Variants in RNMT observed in about 807,000 individuals in gnomAD.
RNMT encodes RNA guanine-7 methyltransferase.
Under a neutral mutation model 56.0 loss-of-function variants are expected in RNMT, and 27 were observed. The ratio of observed to expected loss-of-function variants is 0.48; its 90% confidence interval spans 0.36 to 0.67. RNMT has a LOEUF of 0.67. Among genes scored for constraint, RNMT ranks in the 30% least tolerant of loss-of-function variants. The pLI, the probability that RNMT is intolerant of heterozygous loss-of-function variation, is 0.00. For missense variants in RNMT, 519 were observed against 552.1 expected (o/e 0.94, Z 0.60); for synonymous variants, 184 against 176.2 (o/e 1.04, Z -0.35).
intron 5 of RNMT, 143 bp from the exon 6 acceptor site, chr18:13,740,023 GC>G (rs2044226692): frequency 1.6e-6 from 1 of 627,604 alleles, no homozygotes; most frequent in Non-Finnish European, 2.8e-6. Context: ...TCGGAACAAA[GC>G]CCTTTTCTTT....
At chr18:13,757,905 C>G (rs983784565) in intron 11 of RNMT, among the ~76,000 whole-genome samples, 2 of 152,104 alleles carry the variant, frequency 1.3e-5, no homozygotes, top group Non-Finnish European at 2.9e-5. Flanking sequence ...GAAAAGTACC[C>G]CTTGATCAAT....
chr18:13,743,329 AAAATAAATAAATAAAT>A (rs149097059), intron 8 of RNMT, among the ~76,000 whole-genome samples: 2 of 31,830 alleles, frequency 6.3e-5, no homozygotes, highest in Non-Finnish European at 1.4e-4. Context: ...TCTCAAAAAA[AAAATAAATAAATAAAT>A]AAATAAATAA....
chr18:13,728,620 G>A (rs969375759), intron 1 of RNMT, among the ~76,000 whole-genome samples: 2 of 151,942 alleles, frequency 1.3e-5, no homozygotes, highest in Non-Finnish European at 1.5e-5. Flanking sequence ...ACAGGTGTGA[G>A]CCACCGTGAC....
At chr18:13,745,528 T>A (rs1160819361) in intron 8 of RNMT, among the ~76,000 whole-genome samples, 1 of 152,208 alleles carries the variant, frequency 6.6e-6, no homozygotes, top group East Asian at 1.9e-4. Context: ...GTGGATTTAC[T>A]GAAATGGCAA....
chr18:13,738,426 AAAAT>A (rs1283656892), intron 5 of RNMT, among the ~76,000 whole-genome samples: 1 of 152,242 alleles, frequency 6.6e-6, no homozygotes, highest in Admixed American at 6.5e-5. Context: ...AAGTAGTTGT[AAAAT>A]AAAGAAGTAT....
intron 11 of RNMT, among the ~76,000 whole-genome samples, chr18:13,756,407 A>G (rs2044543462): frequency 6.6e-6 from 1 of 152,124 alleles, no homozygotes. Context: ...GGTTGTTTGC[A>G]ATTGCTATGG....
intron 8 of RNMT, 80 bp downstream of exon 8, chr18:13,742,732 C>G (rs937985292): frequency 1.0e-5 from 11 of 1,077,956 alleles, no homozygotes; most frequent in Non-Finnish European, 1.3e-5. Context: ...ATTTATTTTA[C>G]TCTTTATTTT....
At chr18:13,759,294 G>T (rs1435129577) in intron 11 of RNMT, among the ~76,000 whole-genome samples, 1 of 152,138 alleles carries the variant, frequency 6.6e-6, no homozygotes, top group Non-Finnish European at 1.5e-5. Context: ...GCCTTTAATA[G>T]GTTTCAACTT....
chr18:13,749,889 A>G (rs968568290), intron 9 of RNMT, among the ~76,000 whole-genome samples: 1 of 143,638 alleles, frequency 7.0e-6, no homozygotes, highest in South Asian at 2.3e-4. Context: ...CCTTCTGAGT[A>G]GCTGGGACTA....
chr18:13,752,875 A>C (rs565581209), intron 10 of RNMT, among the ~76,000 whole-genome samples: 1 of 152,378 alleles, frequency 6.6e-6, no homozygotes, highest in Admixed American at 6.5e-5. Context: ...AGTAGAAGTT[A>C]CAGATATTTT....
chr18:13,729,807 C>CT (rs538232476), intron 1 of RNMT, among the ~76,000 whole-genome samples: 75 of 144,426 alleles, frequency 5.2e-4, no homozygotes, highest in African/African-American at 6.1e-4. Flanking sequence ...CATGAAAAAG[C>CT]TTTTTTTTTT....
chr18:13,729,294 C>A (rs2149079695), intron 1 of RNMT, among the ~76,000 whole-genome samples: 1 of 152,246 alleles, frequency 6.6e-6, no homozygotes, highest in Middle Eastern at 3.4e-3. Flanking sequence ...TTTTTGTGGT[C>A]ATCTGGAATG....
intron 11 of RNMT, among the ~76,000 whole-genome samples, chr18:13,756,642 C>A (rs779543823): frequency 7.9e-5 from 12 of 152,216 alleles, no homozygotes; most frequent in Non-Finnish European, 1.8e-4. Context: ...AGCCACATTT[C>A]ATTTCAACTA....
chr18:13,747,462 C>T (rs963038287), intron 9 of RNMT, among the ~76,000 whole-genome samples: 1 of 152,184 alleles, frequency 6.6e-6, no homozygotes, highest in Non-Finnish European at 1.5e-5. Flanking sequence ...TCAAGCAATC[C>T]TCCCGCCTTG....
In RNMT at chr18:13,734,604, GATCCA is replaced by G. The variant is rs1375906682; in HGVS notation, c.553+7_553+11del. 9 of 1,600,000 alleles carry G rather than the reference GATCCA, an allele frequency of 5.6e-6. No homozygotes were observed. Among genetic ancestry groups the G allele is most frequent in the Non-Finnish European group, 7.7e-6 (9 of 1,174,214 alleles). On this transcript the variant is annotated splice_donor_region_variant and intron_variant, in intron 4 of 11. Coordinates refer to ENST00000383314, the MANE Select transcript of RNMT (RefSeq NM_003799.3). ...GGATGAAAAGTGTTCTCATTGGTATGATCCAACACCAAGCTACTGAGTCTTTAATT... is the reference window on the plus strand; with the variant it reads ...GGATGAAAAGTGTTCTCATTGGTATGACACCAAGCTACTGAGTCTTTAATT...
Position 13,761,336 on chromosome 18 carries a change from A to G in RNMT, c.*1357A>G. 1.0e-6 allele frequency: 1 copy of G among 985,450 alleles called. No homozygotes were observed. Among genetic ancestry groups the G allele is most frequent in the Non-Finnish European group, 1.2e-6 (1 of 829,938 alleles). 61.0% of individuals were successfully genotyped at this position (985,450 alleles called of 1,614,324 possible). ...TACTGCATCTGACTCTGGTGGCTGT[A>G]TTAGCTAGGAAAGGTTTGTAAATGG... On this transcript the variant is annotated 3_prime_UTR_variant, in exon 12 of 12. Coordinates refer to ENST00000383314, the MANE Select transcript of RNMT (RefSeq NM_003799.3).
intron 11 of RNMT, among the ~76,000 whole-genome samples, chr18:13,756,004 G>T (rs1175972622): frequency 6.6e-6 from 1 of 152,180 alleles, no homozygotes; most frequent in African/African-American, 2.4e-5. Context: ...GGATTGTTTG[G>T]CTGTTTGATG....
chr18:13,728,999 T>C (rs548731507), intron 1 of RNMT, among the ~76,000 whole-genome samples: 214 of 152,332 alleles, frequency 1.4e-3, no homozygotes, highest in Non-Finnish European at 2.1e-3. Flanking sequence ...TTGTCTGTTT[T>C]TGCTTTTGTT....
intron 6 of RNMT, 100 bp downstream of exon 6, chr18:13,740,379 T>G (rs1342084683): frequency 1.4e-6 from 1 of 697,184 alleles, no homozygotes; most frequent in African/African-American, 1.8e-5. Context: ...TTAAAAAAAT[T>G]TACTCTTATT....
Sources: allele counts gnomAD v4.1 joint callset (sites outside exome capture counted in the v4.1 genomes callset), GRCh38; gene constraint gnomAD v4.1.1; transcripts MANE v1.5; gene names NCBI Gene and HGNC (gene_info 2026-07-23, HGNC 2026-07-21).